The following ZNF804B variants were observed in gnomAD, a reference collection of about 807,000 sequenced individuals.
ZNF804B encodes zinc finger protein 804B.
In ZNF804B, 80 loss-of-function variants were observed where a neutral mutation model predicts 101.4. That is an observed-to-expected ratio of 0.79 (90% CI 0.66 to 0.95). The LOEUF (loss-of-function observed/expected upper bound fraction) is 0.95, where lower values mean the gene tolerates loss of function less well. Ranked by LOEUF, ZNF804B falls within the 40% of genes least tolerant of loss-of-function variation. The pLI is 0.00. For missense variants in ZNF804B, 1,673 were observed against 1,561.9 expected, an observed-to-expected ratio of 1.07 and a Z score of -1.20; for synonymous variants, 622 against 558.8, an observed-to-expected ratio of 1.11 and a Z score of -1.59.
At chr7:88,952,600 C>T (rs1307606182) in intron 1 of ZNF804B, among the ~76,000 whole-genome samples, 1 of 151,678 alleles carries the variant, frequency 6.6e-6, no homozygotes, top group African/African-American at 2.4e-5. Context: ...GGGGAAAGAC[C>T]TTCCTTTTAT....
chr7:88,786,401 C>T (rs1484266886), intron 1 of ZNF804B, among the ~76,000 whole-genome samples: 2 of 151,966 alleles, frequency 1.3e-5, no homozygotes, highest in African/African-American at 4.8e-5. Context: ...TTTTATTTGA[C>T]TAAAGGAAGA....
intron 1 of ZNF804B, among the ~76,000 whole-genome samples, chr7:88,878,777 AAATC>A (rs1791989356): frequency 6.6e-6 from 1 of 152,204 alleles, no homozygotes. Flanking sequence ...TGAGATAAAT[AAATC>A]AGTTTGCCTT....
intron 2 of ZNF804B, among the ~76,000 whole-genome samples, chr7:89,245,150 C>T (rs1019973887): frequency 1.3e-5 from 2 of 151,874 alleles, no homozygotes; most frequent in Non-Finnish European, 2.9e-5. Flanking sequence ...AATATTACAA[C>T]CAAAATTACA....
chr7:89,095,927 G>A (rs539974869), intron 1 of ZNF804B, among the ~76,000 whole-genome samples: 10 of 152,074 alleles, frequency 6.6e-5, no homozygotes, highest in East Asian at 3.9e-4. Context: ...CAAGGCAGGC[G>A]GATCACGAGG....
intron 1 of ZNF804B, among the ~76,000 whole-genome samples, chr7:88,905,911 T>TGGG (rs1487285053): frequency 4.1e-4 from 58 of 141,624 alleles, no homozygotes; most frequent in East Asian, 1.1e-3. Context: ...TTTTTTTTTT[T>TGGG]GGGGTTGATA....
At chr7:89,153,426 G>GATAATAATA (rs1257932886) in intron 1 of ZNF804B, among the ~76,000 whole-genome samples, 43 of 89,412 alleles carry the variant, frequency 4.8e-4, no homozygotes, top group African/African-American at 1.7e-3. Flanking sequence ...TGATGATGAT[G>GATAATAATA]ATGATAATAA....
chr7:88,901,803 A>G (rs1418882170), intron 1 of ZNF804B, among the ~76,000 whole-genome samples: 1 of 151,846 alleles, frequency 6.6e-6, no homozygotes, highest in Non-Finnish European at 1.5e-5. Flanking sequence ...CACATATAAT[A>G]TTTACTATTG....
At chr7:89,023,909 A>C (rs548102981) in intron 1 of ZNF804B, among the ~76,000 whole-genome samples, 1 of 152,324 alleles carries the variant, frequency 6.6e-6, no homozygotes, top group African/African-American at 2.4e-5. Context: ...TTAAACTGAT[A>C]ATAAATTACA....
intron 1 of ZNF804B, among the ~76,000 whole-genome samples, chr7:89,162,430 A>G (rs947468309): frequency 2.6e-5 from 4 of 152,172 alleles, no homozygotes; most frequent in African/African-American, 9.7e-5. Flanking sequence ...AATAGAATCT[A>G]GAAAAATATA....
Position 89,335,521 on chromosome 7 carries a change from C to T in ZNF804B, c.2539C>T (p.Gln847Ter), listed in dbSNP as rs1450875797. The change falls in exon 4 of 4, where the codon CAG becomes TAG. Residue 847 changes from glutamine (Q) to a stop codon, truncating the protein, a stop_gained. Transcript: ENST00000333190. LOFTEE classifies it high-confidence loss of function. ...AAGCAGTAAAAAACCACCTAATTGC[C>T]AGGGAACTCAGCACGACAGATTGGA... ...TGSSKKPPNC[Q>*]GTQHDRLDSY... 1.2e-6 allele frequency: 2 copies of T among 1,613,934 alleles called. No individual in the cohort carries two copies. Among genetic ancestry groups the T allele is most frequent in the East Asian group, 2.2e-5 (1 of 44,858 alleles).
At chr7:89,218,086 G>C (rs1165807409) in intron 1 of ZNF804B, 69 bp from the exon 2 acceptor site, 1 of 1,469,624 alleles carries the variant, frequency 6.8e-7, no homozygotes, top group Non-Finnish European at 9.3e-7. Context: ...ATACCACCTT[G>C]ATTAATACGA....
At position 89,049,924 on chromosome 7, in the gene ZNF804B, A is replaced by G. The variant is rs139860881; in HGVS notation, c.109-168231A>G. ...CTACTCGGGAGGTTGAGGCAGGAGAATCACTTGAACCCACGAGGTGGAGGT... is the reference window on the plus strand; with the variant it reads ...CTACTCGGGAGGTTGAGGCAGGAGAGTCACTTGAACCCACGAGGTGGAGGT... On this transcript the variant is annotated intron_variant, in intron 1 of 3. Coordinates refer to ENST00000333190, the MANE Select transcript of ZNF804B (RefSeq NM_181646.5). 9.2e-5 allele frequency among the ~76,000 whole-genome samples: 14 copies of G among 152,286 alleles called. No individual in the cohort carries two copies. In the East Asian group the frequency reaches 2.7e-3, roughly 30 times the overall value.
intron 1 of ZNF804B, among the ~76,000 whole-genome samples, chr7:88,884,405 A>G (rs760348652): frequency 6.6e-6 from 1 of 151,488 alleles, no homozygotes; most frequent in African/African-American, 2.4e-5. Flanking sequence ...TGCTTCTCAT[A>G]TATTTATTTT....
intron 1 of ZNF804B, among the ~76,000 whole-genome samples, chr7:88,777,585 G>GT (rs1200688422): frequency 2.0e-5 from 3 of 152,126 alleles, no homozygotes; most frequent in Non-Finnish European, 4.4e-5. Context: ...GCTCACGCCT[G>GT]TAATACCAGC....
chr7:89,220,141 G>GCGTATATACA (rs1400635579), intron 2 of ZNF804B, among the ~76,000 whole-genome samples: 17 of 81,344 alleles, frequency 2.1e-4, no homozygotes, highest in South Asian at 1.2e-3. Context: ...ACATATATGT[G>GCGTATATACA]TGTATATACA....
chr7:88,831,907 T>G (rs1791140529), intron 1 of ZNF804B, among the ~76,000 whole-genome samples: 1 of 151,978 alleles, frequency 6.6e-6, no homozygotes, highest in Non-Finnish European at 1.5e-5. Flanking sequence ...TTCTGCTCTT[T>G]TTGTTCTATA....
At chr7:88,794,407 T>C in intron 1 of ZNF804B, 1 of 1,613,792 alleles carries the variant, frequency 6.2e-7, no homozygotes, top group South Asian at 1.1e-5. Flanking sequence ...TGACAGTTTA[T>C]GAGTTTGTGT....
chr7:89,277,609 T>G (rs1167836327), intron 2 of ZNF804B, among the ~76,000 whole-genome samples: 1 of 150,480 alleles, frequency 6.6e-6, no homozygotes, highest in Non-Finnish European at 1.5e-5. Context: ...GTTTGGTTTT[T>G]TGTTCTTCCG....
intron 2 of ZNF804B, among the ~76,000 whole-genome samples, chr7:89,250,371 C>T (rs1789519743): frequency 6.6e-6 from 1 of 152,032 alleles, no homozygotes; most frequent in Non-Finnish European, 1.5e-5. Context: ...CACAATCTCC[C>T]TAGATTGAAT....
Sources: allele counts gnomAD v4.1 joint callset (sites outside exome capture counted in the v4.1 genomes callset), GRCh38; gene constraint gnomAD v4.1.1; transcripts MANE v1.5; gene names NCBI Gene and HGNC (gene_info 2026-07-23, HGNC 2026-07-21).